Variants in SSBP2 observed in about 807,000 individuals in gnomAD.
The protein encoded by SSBP2 is single-stranded DNA-binding protein 2.
Under a neutral mutation model 61.8 loss-of-function variants are expected in SSBP2, and 17 were observed. The ratio of observed to expected loss-of-function variants is 0.28; its 90% confidence interval spans 0.19 to 0.41. SSBP2 has a LOEUF of 0.41. SSBP2 is among the 10% of genes least tolerant of loss of function. The pLI, the probability that SSBP2 is intolerant of heterozygous loss-of-function variation, is 1.00. For synonymous variants in SSBP2, 139 were observed against 141.3 expected (o/e 0.98, Z 0.12); for missense variants, 310 against 458.7 (o/e 0.68, Z 2.96).
chr5:81,699,252 G>A (rs1753798085), intron 1 of SSBP2, among the ~76,000 whole-genome samples: 1 of 152,204 alleles, frequency 6.6e-6, no homozygotes, highest in East Asian at 1.9e-4. Context: ...AGGCAGTGGT[G>A]GCTGTGGCAA....
At chr5:81,520,217 T>C (rs574076993) in intron 4 of SSBP2, among the ~76,000 whole-genome samples, 27 of 152,292 alleles carry the variant, frequency 1.8e-4, no homozygotes, top group Admixed American at 5.2e-4. Context: ...ACTCCTGACC[T>C]CAAGTGATCC....
chr5:81,605,726 T>C (rs1744819900), intron 4 of SSBP2, among the ~76,000 whole-genome samples: 1 of 152,172 alleles, frequency 6.6e-6, no homozygotes, highest in South Asian at 2.1e-4. Context: ...TTTAACTTAG[T>C]AGTTTGAATG....
intron 1 of SSBP2, among the ~76,000 whole-genome samples, chr5:81,653,998 G>GTTT (rs144058292): frequency 1.4e-5 from 2 of 146,386 alleles, no homozygotes; most frequent in Middle Eastern, 3.5e-3. Flanking sequence ...TTTTTGTTTT[G>GTTT]TTTTTTTTTT....
rs1489561605 is a variant in SSBP2, at chr5:81,473,693, T to A, written c.570+7A>T. On this transcript the variant is annotated splice_region_variant and intron_variant, in intron 8 of 16. Coordinates refer to ENST00000320672, the MANE Select transcript of SSBP2 (RefSeq NM_012446.5). ...TTTGCTATTGTAAATATGCACTGAT[T>A]ATTTACCTGTGGTCCTAAGGGCACC... The A allele has an allele frequency of 6.2e-7, 1 of 1,613,744 alleles. No individual in the cohort carries two copies.
chr5:81,453,138 CA>C lies in SSBP2; in HGVS notation c.688-4314del, dbSNP rs879562644. On this transcript the variant is annotated intron_variant, in intron 10 of 16. Coordinates refer to ENST00000320672, the MANE Select transcript of SSBP2 (RefSeq NM_012446.5). ...GGCAAAACCTTGTCTCTATAAAAAA[CA>C]AAAAAAAAATTAGCCAAGCATGGTG... is the stretch of plus-strand genomic sequence containing the variant. 4.5e-4 allele frequency among the ~76,000 whole-genome samples: 66 copies of C among 147,808 alleles called. 1 individual carries two copies. Among genetic ancestry groups the C allele is most frequent in the Admixed American group, 1.0e-3 (15 of 14,836 alleles).
At chr5:81,478,576 A>T (rs537667349) in intron 6 of SSBP2, among the ~76,000 whole-genome samples, 1 of 152,170 alleles carries the variant, frequency 6.6e-6, no homozygotes, top group African/African-American at 2.4e-5. Context: ...TGACCTCATC[A>T]TCGGCCCGTC....
chr5:81,700,368 G>A (rs146348423), intron 1 of SSBP2, among the ~76,000 whole-genome samples: 1,918 of 152,276 alleles, frequency 0.013, 20 homozygotes, highest in South Asian at 0.022. Context: ...TATCCAGTAA[G>A]CCATGCTATA....
At chr5:81,742,631 T>C (rs1368396627) in intron 1 of SSBP2, among the ~76,000 whole-genome samples, 1 of 152,064 alleles carries the variant, frequency 6.6e-6, no homozygotes. Context: ...ATCCTAGCAC[T>C]TTGGGAGGCT....
At chr5:81,563,160 T>G (rs1039878401) in intron 4 of SSBP2, among the ~76,000 whole-genome samples, 3 of 152,148 alleles carry the variant, frequency 2.0e-5, no homozygotes, top group Admixed American at 1.3e-4. Context: ...TACAACATGA[T>G]AGTGGAAAAA....
intron 1 of SSBP2, among the ~76,000 whole-genome samples, chr5:81,691,528 C>T (rs987074337): frequency 2.0e-5 from 3 of 147,742 alleles, no homozygotes; most frequent in Non-Finnish European, 2.9e-5. Flanking sequence ...AAAACCTGAA[C>T]AGACCAATAA....
intron 1 of SSBP2, among the ~76,000 whole-genome samples, chr5:81,718,051 G>A (rs1755286964): frequency 6.6e-6 from 1 of 151,882 alleles, no homozygotes; most frequent in African/African-American, 2.4e-5. Flanking sequence ...TGCTAGGTGT[G>A]GTTTTTCATC....
intron 4 of SSBP2, among the ~76,000 whole-genome samples, chr5:81,546,762 A>G (rs1580985813): frequency 1.3e-5 from 2 of 152,270 alleles, no homozygotes; most frequent in East Asian, 1.9e-4. Flanking sequence ...TGGAGAACAG[A>G]AAAGTCAGTG....
rs573480484 is a variant in SSBP2 at position 81,672,928 on chromosome 5, C to T, written c.63-22589G>A. On this transcript the variant is annotated intron_variant, in intron 1 of 16. Transcript: ENST00000320672. Reference sequence around the variant, plus strand: ...CTATCCCTCAGGCAACCTCTGCCTCCCAGGATAAAGCGATTCTCACGCCTC... The same window carrying T: ...CTATCCCTCAGGCAACCTCTGCCTCTCAGGATAAAGCGATTCTCACGCCTC... Among the ~76,000 whole-genome samples, 9 of 151,718 alleles carry T rather than the reference C, an allele frequency of 5.9e-5. 1 individual carries two copies. The South Asian group carries it at 1.9e-3, about 32-fold the overall frequency.
At chr5:81,694,975 G>A (rs116076652) in intron 1 of SSBP2, among the ~76,000 whole-genome samples, 10,803 of 152,194 alleles carry the variant, frequency 0.071, 480 homozygotes, top group Middle Eastern at 0.12. Context: ...ATTCCAGCAT[G>A]GGCAACAGAG....
rs1761230421 is a variant in SSBP2, at chr5:81,414,309, A to G, written c.*6195T>C. ...TTTTAAAGATGAAGACAGCAAAAAT[A>G]TTCACATTAAAATATCTTACAGAAA... is the stretch of plus-strand genomic sequence containing the variant. On this transcript the variant is annotated 3_prime_UTR_variant, in exon 17 of 17. Coordinates refer to ENST00000320672, the MANE Select transcript of SSBP2 (RefSeq NM_012446.5). 6.6e-6 allele frequency: 1 copy of G among 152,180 alleles called. No homozygotes were observed. The allele number at this position is 152,180 out of a possible 1,614,324, so 9.4% of individuals were successfully genotyped here. A position where few individuals can be genotyped will look rare whatever the true frequency, so the allele number is the denominator to read the frequency against.
At chr5:81,515,768 A>G (rs1768969653) in intron 4 of SSBP2, among the ~76,000 whole-genome samples, 1 of 151,588 alleles carries the variant, frequency 6.6e-6, no homozygotes, top group Admixed American at 6.6e-5. Context: ...GTTCTTAATT[A>G]TATATGTTTC....
At chr5:81,728,047 T>C (rs1756009367) in intron 1 of SSBP2, among the ~76,000 whole-genome samples, 1 of 152,078 alleles carries the variant, frequency 6.6e-6, no homozygotes, top group Admixed American at 6.6e-5. Flanking sequence ...AAGAAGGCTA[T>C]GGGGGATCAG....
In SSBP2 at chr5:81,461,044, T is replaced by C. The variant is rs777247980; in HGVS notation, c.687+11A>G. On this transcript the variant is annotated intron_variant, in intron 10 of 16. Transcript: ENST00000320672. ...TGCAAAATATTAAAAAAAATATATA[T>C]ATATACTCACTGAATTGGCATTTGT... 3.3e-6 allele frequency: 5 copies of C among 1,505,832 alleles called. No homozygotes were observed. In the Admixed American group the frequency reaches 5.6e-5, roughly 17 times the overall value. 93.3% of individuals were successfully genotyped at this position (1,505,832 alleles called of 1,614,324 possible).
intron 15 of SSBP2, among the ~76,000 whole-genome samples, 196 bp from the exon 16 acceptor site, chr5:81,428,879 A>G (rs1037883048): frequency 2.0e-5 from 3 of 152,106 alleles, no homozygotes; most frequent in African/African-American, 7.2e-5. Context: ...GAAAATTTAA[A>G]AAAAAATAAA....
Sources: allele counts gnomAD v4.1 joint callset (sites outside exome capture counted in the v4.1 genomes callset), GRCh38; gene constraint gnomAD v4.1.1; transcripts MANE v1.5; gene names NCBI Gene and HGNC (gene_info 2026-07-23, HGNC 2026-07-21).